The following FER1L5 variants were observed in gnomAD, a reference collection of about 807,000 sequenced individuals.
The protein encoded by FER1L5 is fer-1-like protein 5.
FER1L5 carries 187 observed loss-of-function variants against 279.9 expected under a neutral mutation model. That is an observed-to-expected ratio of 0.67 (90% CI 0.59 to 0.75). FER1L5 has a LOEUF of 0.75. Among genes scored for constraint, FER1L5 ranks in the 30% least tolerant of loss-of-function variants. The pLI is 0.00. For synonymous variants in FER1L5, 921 were observed against 989.7 expected, an observed-to-expected ratio of 0.93 and a Z score of 1.30; for missense variants, 2,091 against 2,594.4, an observed-to-expected ratio of 0.81 and a Z score of 4.21.
intron 19 of FER1L5, among the ~76,000 whole-genome samples, chr2:96,677,694 C>T (rs1038811754): frequency 2.6e-5 from 4 of 151,930 alleles, no homozygotes; most frequent in Non-Finnish European, 2.9e-5. Context: ...GGTGAAACCC[C>T]GTCTCTACTA....
Position 96,642,911 on chromosome 2 carries a change from C to T in FER1L5, c.75C>T (p.Ile25=), listed in dbSNP as rs1304679771. 6.4e-7 allele frequency: 1 copy of T among 1,550,836 alleles called. No homozygotes were observed. The highest frequency in any genetic ancestry group is 8.7e-7 in the Non-Finnish European group (1 of 1,146,570). Residue 25 remains isoleucine (I), a synonymous_variant, in exon 1 of 53, where the codon ATC becomes ATT. Transcript: ENST00000624922. ...LAPLPRPCMS[I]DFRDIKKRTR... ...CACTACCCAGGCCCTGCATGTCCAT[C>T]GACTTCAGAGGTGAGAGCCTCCCTG...
chr2:96,697,600 A>T (rs1466925654), intron 38 of FER1L5, 24 bp downstream of exon 38: 1 of 1,613,714 alleles, frequency 6.2e-7, no homozygotes, highest in African/African-American at 1.3e-5. Context: ...AGCCCCATTC[A>T]GTGCAGGGAG....
At chr2:96,646,362 T>G in intron 1 of FER1L5, 39 bp from the exon 2 acceptor site, 3 of 1,550,300 alleles carry the variant, frequency 1.9e-6, no homozygotes, top group Non-Finnish European at 2.6e-6. Context: ...CGTTGAAATA[T>G]TTCCTACCAT....
Position 96,702,867 on chromosome 2 carries a change from G to A in FER1L5, c.5398-111G>A, listed in dbSNP as rs2077641514. 6.5e-7 allele frequency: 1 copy of A among 1,530,348 alleles called. No individual in the cohort carries two copies. The highest frequency in any genetic ancestry group is 2.0e-5 in the Admixed American group (1 of 50,838). The allele number at this position is 1,530,348 out of a possible 1,614,324, so 94.8% of individuals were successfully genotyped here. A position where few individuals can be genotyped will look rare whatever the true frequency, so the allele number is the denominator to read the frequency against. On this transcript the variant is annotated intron_variant, in intron 48 of 52. Coordinates refer to ENST00000624922, the MANE Select transcript of FER1L5 (RefSeq NM_001293083.2). This position sits in a 1 kb window ranked among gnomAD's most constrained non-coding sequence, Gnocchi z 4.0. ...GAACATCAGAAACATGTCCTCAGGT[G>A]GAAACCCTCTTCCTTGATAGTCTAT...
chr2:96,687,643 G>A (rs2076980108), intron 23 of FER1L5, 173 bp from the exon 24 acceptor site: 3 of 1,028,214 alleles, frequency 2.9e-6, no homozygotes, highest in Non-Finnish European at 4.2e-6. Context: ...CCCCACTCTG[G>A]AGGGCAGAAC....
rs1393472780 is a variant in FER1L5, at chr2:96,689,811, G to A, written c.2640+53G>A. 9.1e-6 allele frequency: 13 copies of A among 1,429,912 alleles called. No individual in the cohort carries two copies. Among genetic ancestry groups the A allele is most frequent in the South Asian group, 5.5e-5 (4 of 72,514 alleles). The allele number at this position is 1,429,912 out of a possible 1,614,324, so 88.6% of individuals were successfully genotyped here. A position where few individuals can be genotyped will look rare whatever the true frequency, so the allele number is the denominator to read the frequency against. On this transcript the variant is annotated intron_variant, in intron 26 of 52. Transcript: ENST00000624922. The surrounding 1 kb of genome is among the most constrained non-coding windows in gnomAD (Gnocchi z 4.6). ...TAGGGGGCAAGCAAGGCCACCAGGC[G>A]GGGCGCCTTGGAAGCTGGGGGTCCC...
intron 7 of FER1L5, 47 bp downstream of exon 7, chr2:96,652,067 G>A (rs1330110448): frequency 1.3e-6 from 2 of 1,550,154 alleles, no homozygotes; most frequent in Non-Finnish European, 1.7e-6. Context: ...CAAGGGCTGG[G>A]CATCCCCGGT....
At chr2:96,680,681 A>C (rs1436407164) in intron 19 of FER1L5, among the ~76,000 whole-genome samples, 4 of 152,146 alleles carry the variant, frequency 2.6e-5, no homozygotes, top group Non-Finnish European at 5.9e-5. Flanking sequence ...TTAATTTCTT[A>C]AGTAAACTTT....
Position 96,699,633 on chromosome 2 carries a change from A to G in FER1L5, c.4694A>G (p.Asp1565Gly). 2 of 1,614,032 alleles carry G rather than the reference A, an allele frequency of 1.2e-6. No individual in the cohort carries two copies. The highest frequency in any genetic ancestry group is 1.7e-6 in the Non-Finnish European group (2 of 1,179,898). ...GACTTCGACCTATTTTCACCTGATG[A>G]TAAGATAGGAACCACAGTCATCGAC... The part of the protein sequence containing the change: ...LYDFDLFSPD[D>G]KIGTTVIDLE... Residue 1565 changes from aspartate (D) to glycine (G), a missense_variant, in exon 43 of 53, where the codon GAT becomes GGT. By Grantham distance (94) the Asp-to-Gly change is moderately conservative (BLOSUM62 -1). Transcript: ENST00000624922.
chr2:96,647,226 C>G, intron 3 of FER1L5, 71 bp downstream of exon 3: 3 of 1,455,118 alleles, frequency 2.1e-6, no homozygotes, highest in East Asian at 2.5e-5. Context: ...ATCCTTGTCT[C>G]TAATCCATAA....
In FER1L5 at chr2:96,694,033, C is replaced by G; in HGVS notation, c.3597C>G (p.Gly1199=). The change falls in exon 33 of 53, where the codon GGC becomes GGG. Residue 1199 remains glycine (G), a synonymous_variant. Transcript: ENST00000624922. This position sits in a 1 kb window ranked among gnomAD's most constrained non-coding sequence, Gnocchi z 4.6. ...PLVKELGKEE[G]EILASCELIL... is the part of the protein sequence containing the mutation. Reference sequence around the variant, plus strand: ...TAAAGGAGTTGGGGAAGGAAGAGGGCGAGATCTTGGCATCCTGTGAGCTGA... The same window carrying G: ...TAAAGGAGTTGGGGAAGGAAGAGGGGGAGATCTTGGCATCCTGTGAGCTGA... The G allele has an allele frequency of 6.5e-7, 1 of 1,547,732 alleles. No individual in the cohort carries two copies. The highest frequency in any genetic ancestry group is 8.7e-7 in the Non-Finnish European group (1 of 1,146,920).
intron 3 of FER1L5, 36 bp from the exon 4 acceptor site, chr2:96,647,742 G>A: frequency 4.1e-6 from 6 of 1,463,654 alleles, no homozygotes; most frequent in Non-Finnish European, 5.6e-6. Context: ...TCTTTCCCCT[G>A]GCTCAGGATC....
chr2:96,698,749 A>T lies in FER1L5; in HGVS notation c.4435A>T (p.Arg1479Ter). The T allele has an allele frequency of 1.3e-6, 2 of 1,573,938 alleles. No individual in the cohort carries two copies. Among genetic ancestry groups the T allele is most frequent in the East Asian group, 4.7e-5 (2 of 42,326 alleles). Residue 1479 changes from arginine (R) to a stop codon, truncating the protein, a stop_gained, in exon 41 of 53, where the codon AGA becomes TGA. Transcript: ENST00000624922. LOFTEE classifies it high-confidence loss of function. This position sits in a 1 kb window ranked among gnomAD's most constrained non-coding sequence, Gnocchi z 5.5. ...PPLQFLVWPE[R>*]EDFPQPCLVR... The stretch of plus-strand genomic sequence containing the variant: ...GCTGCAGTTCTTGGTTTGGCCAGAG[A>T]GAGAGGACTTCCCCCAGCCGTGCTT...
At chr2:96,692,039 G>A (rs1404705638) in intron 30 of FER1L5, 65 bp from the exon 31 acceptor site, 1 of 1,545,538 alleles carries the variant, frequency 6.5e-7, no homozygotes, top group Non-Finnish European at 8.7e-7. Context: ...GGACAGGGTG[G>A]GGGCAGTCAG....
At chr2:96,647,338 G>A (rs1195883527) in intron 3 of FER1L5, among the ~76,000 whole-genome samples, 183 bp downstream of exon 3, 1 of 152,178 alleles carries the variant, frequency 6.6e-6, no homozygotes, top group Non-Finnish European at 1.5e-5. Context: ...AATCAGCTGG[G>A]ACAGGAACTT....
rs151143572 is a variant in FER1L5, at chr2:96,694,601, G to A, written c.3741+137G>A. On this transcript the variant is annotated intron_variant, in intron 34 of 52. Transcript: ENST00000624922. This position sits in a 1 kb window ranked among gnomAD's most constrained non-coding sequence, Gnocchi z 4.6. ...GAAAAAGACTACCTGGGAGGTGGAG[G>A]GAGACAGGAGAGAAACGAAGAGGTT... The A allele has an allele frequency of 1.3e-4, 83 of 617,492 alleles. No homozygotes were observed. In the African/African-American group the frequency reaches 1.4e-3, roughly 10 times the overall value. The allele number at this position is 617,492 out of a possible 1,614,324, so 38.3% of individuals were successfully genotyped here. A position where few individuals can be genotyped will look rare whatever the true frequency, so the allele number is the denominator to read the frequency against.
intron 30 of FER1L5, 64 bp downstream of exon 30, chr2:96,692,027 G>C (rs1166079749): frequency 8.2e-6 from 9 of 1,094,550 alleles, no homozygotes; most frequent in African/African-American, 1.6e-5. Context: ...GGCGGGGGGG[G>C]GGGACAGGGT....
At position 96,698,189 on chromosome 2, in the gene FER1L5, C is replaced by A; in HGVS notation, c.4356+33C>A. The A allele has an allele frequency of 6.5e-7, 1 of 1,545,036 alleles. No individual in the cohort carries two copies. Among genetic ancestry groups the A allele is most frequent in the South Asian group, 1.2e-5 (1 of 83,268 alleles). On this transcript the variant is annotated intron_variant, in intron 40 of 52. Coordinates refer to ENST00000624922, the MANE Select transcript of FER1L5 (RefSeq NM_001293083.2). This position sits in a 1 kb window ranked among gnomAD's most constrained non-coding sequence, Gnocchi z 5.5. ...TCCACCCCAGCTTAGCTGCCCCTGT[C>A]TCCTTGTGCACCTTCTGTCCCTGGA...
At chr2:96,649,404 A>C (rs976719729) in intron 4 of FER1L5, among the ~76,000 whole-genome samples, 1 of 152,032 alleles carries the variant, frequency 6.6e-6, no homozygotes, top group Non-Finnish European at 1.5e-5. Context: ...TAATCTACAA[A>C]CATCCCCTCC....
Sources: allele counts gnomAD v4.1 joint callset (sites outside exome capture counted in the v4.1 genomes callset), GRCh38; gene constraint gnomAD v4.1.1; non-coding constraint Gnocchi (gnomAD v3.1); transcripts MANE v1.5; gene names NCBI Gene and HGNC (gene_info 2026-07-23, HGNC 2026-07-21).